The following THSD4 variants were observed in gnomAD, a reference collection of about 807,000 sequenced individuals.
THSD4 encodes thrombospondin type-1 domain-containing protein 4.
In THSD4, 69 loss-of-function variants were observed where a neutral mutation model predicts 119.0. The observed-to-expected ratio is 0.58, with a 90% confidence interval of 0.48 to 0.71. The LOEUF (loss-of-function observed/expected upper bound fraction) is 0.71. Among genes scored for constraint, THSD4 ranks in the 30% least tolerant of loss-of-function variants. The probability of loss-of-function intolerance (pLI) is 0.00; values close to 1 mark genes in which losing one functional copy is unlikely to be tolerated. For missense variants in THSD4, 1,393 were observed against 1,391.1 expected (o/e 1.00, Z -0.02); for synonymous variants, 524 against 540.4 (o/e 0.97, Z 0.42).
At chr15:71,702,780 T>C (rs1046732836) in intron 8 of THSD4, among the ~76,000 whole-genome samples, 1 of 152,202 alleles carries the variant, frequency 6.6e-6, no homozygotes, top group African/African-American at 2.4e-5. Context: ...AGGCACCTCC[T>C]TGGAGAGGCC....
intron 1 of THSD4, among the ~76,000 whole-genome samples, chr15:71,101,348 A>G (rs1025332805): frequency 1.3e-5 from 2 of 152,224 alleles, no homozygotes; most frequent in South Asian, 4.1e-4. Flanking sequence ...TTCTCACCAT[A>G]TAGGTACCTT....
chr15:71,450,167 A>G (rs2047242266), intron 7 of THSD4, among the ~76,000 whole-genome samples: 1 of 152,194 alleles, frequency 6.6e-6, no homozygotes, highest in Non-Finnish European at 1.5e-5. Context: ...TTCTTTCACT[A>G]ACCCGCTGCG....
At chr15:71,503,367 T>A (rs1401358479) in intron 7 of THSD4, among the ~76,000 whole-genome samples, 2 of 152,064 alleles carry the variant, frequency 1.3e-5, no homozygotes, top group Non-Finnish European at 2.9e-5. Context: ...ACAGCAAGGA[T>A]GAAAGGGTTT....
At chr15:71,198,301 A>C (rs937136620) in intron 3 of THSD4, among the ~76,000 whole-genome samples, 1 of 152,344 alleles carries the variant, frequency 6.6e-6, no homozygotes, top group African/African-American at 2.4e-5. Flanking sequence ...GCGGTGGGGA[A>C]AAGAAATCAA....
At chr15:71,237,359 T>C (rs1476554753) in intron 4 of THSD4, among the ~76,000 whole-genome samples, 1 of 152,188 alleles carries the variant, frequency 6.6e-6, no homozygotes, top group Admixed American at 6.5e-5. Flanking sequence ...TCACAGTCTT[T>C]TGTAACAAGT....
chr15:71,777,353 G>A lies in THSD4; in HGVS notation c.3036G>A (p.Thr1012=), dbSNP rs769558478. 7 of 1,613,992 alleles carry A rather than the reference G, an allele frequency of 4.3e-6. No individual in the cohort carries two copies. The highest frequency in any genetic ancestry group is 2.2e-5 in the South Asian group (2 of 91,070). The change falls in exon 18 of 18, where the codon ACG becomes ACA. Residue 1012 remains threonine (T), a synonymous_variant. Coordinates refer to ENST00000261862, the MANE Select transcript of THSD4 (RefSeq NM_024817.3). ...ASCTRVANRQ[T]GFLGSR is the part of the protein sequence containing the mutation. ...GCACCCGTGTGGCCAACAGGCAGAC[G>A]GGCTTCCTGGGGAGCAGATAACACT...
intron 15 of THSD4, among the ~76,000 whole-genome samples, chr15:71,761,005 T>C (rs2053619284): frequency 6.6e-6 from 1 of 152,218 alleles, no homozygotes; most frequent in Non-Finnish European, 1.5e-5. Context: ...TTTGTCTTTA[T>C]TTTTACCCAA....
intron 7 of THSD4, among the ~76,000 whole-genome samples, chr15:71,563,258 A>G (rs144038678): frequency 8.5e-4 from 130 of 152,260 alleles, no homozygotes; most frequent in Middle Eastern, 3.4e-3. Context: ...CATCAGAGGC[A>G]AGAGGCATGG....
At chr15:71,150,201 G>C (rs1401839880) in intron 2 of THSD4, among the ~76,000 whole-genome samples, 1 of 152,184 alleles carries the variant, frequency 6.6e-6, no homozygotes, top group Non-Finnish European at 1.5e-5. Context: ...TAACACACGA[G>C]TTGCACACAC....
intron 7 of THSD4, among the ~76,000 whole-genome samples, chr15:71,618,720 C>G: frequency 6.6e-6 from 1 of 152,004 alleles, no homozygotes; most frequent in East Asian, 1.9e-4. Flanking sequence ...ACCACAGGTG[C>G]GTGTCACCAC....
intron 3 of THSD4, among the ~76,000 whole-genome samples, chr15:71,181,599 A>G (rs1261840900): frequency 1.3e-5 from 2 of 152,204 alleles, no homozygotes; most frequent in African/African-American, 4.8e-5. Flanking sequence ...TAGAAGGAAC[A>G]TCTCTGTCAA....
intron 6 of THSD4, among the ~76,000 whole-genome samples, chr15:71,333,311 T>C (rs778497168): frequency 3.3e-5 from 5 of 151,962 alleles, no homozygotes; most frequent in Non-Finnish European, 7.4e-5. Flanking sequence ...ATGGGGGAAG[T>C]GGGGAGTGGC....
chr15:71,164,710 T>G, intron 3 of THSD4: 1 of 1,540,750 alleles, frequency 6.5e-7, no homozygotes, highest in South Asian at 1.3e-5. Flanking sequence ...AAGGAGTGAG[T>G]TGTGTACAGG....
rs1439316693 is a variant in THSD4 at position 71,149,113 on chromosome 15, A to G, written c.30-5750A>G. ...GAGTGCAGTGGTGCGATCTCAGCTC[A>G]CTGCAAGCTCCGCCTCCTGGGTTCA... On this transcript the variant is annotated intron_variant, in intron 2 of 17. Coordinates refer to ENST00000261862, the MANE Select transcript of THSD4 (RefSeq NM_024817.3). Among the ~76,000 whole-genome samples the G allele has an allele frequency of 2.0e-5, 3 of 149,688 alleles. No individual in the cohort carries two copies. In the East Asian group the frequency reaches 5.9e-4, roughly 30 times the overall value.
chr15:71,581,782 T>C (rs1020684633), intron 7 of THSD4, among the ~76,000 whole-genome samples: 5 of 152,150 alleles, frequency 3.3e-5, no homozygotes, highest in Non-Finnish European at 7.4e-5. Flanking sequence ...TCTTTCTCCA[T>C]TGTGTGTTCT....
intron 3 of THSD4, chr15:71,187,067 A>G (rs917409837): frequency 1.3e-5 from 2 of 152,352 alleles, no homozygotes; most frequent in Non-Finnish European, 2.9e-5. Context: ...TTTTCAGCAG[A>G]GGAAGGCGGG....
chr15:71,477,969 G>C (rs1227498354), intron 7 of THSD4, among the ~76,000 whole-genome samples: 1 of 149,412 alleles, frequency 6.7e-6, no homozygotes, highest in Non-Finnish European at 1.5e-5. Flanking sequence ...CAAGGATGGG[G>C]AGGTGGTGTG....
chr15:71,251,738 T>C (rs919674091), intron 5 of THSD4, among the ~76,000 whole-genome samples: 1 of 152,106 alleles, frequency 6.6e-6, no homozygotes, highest in African/African-American at 2.4e-5. Context: ...CCTGGGGAGA[T>C]GACAGTAATT....
chr15:71,528,367 T>A (rs896716416), intron 7 of THSD4, among the ~76,000 whole-genome samples: 1 of 152,188 alleles, frequency 6.6e-6, no homozygotes, highest in South Asian at 2.1e-4. Context: ...AACTTCTCAT[T>A]CCAGGCAACA....
Sources: allele counts gnomAD v4.1 joint callset (sites outside exome capture counted in the v4.1 genomes callset), GRCh38; gene constraint gnomAD v4.1.1; transcripts MANE v1.5; gene names NCBI Gene and HGNC (gene_info 2026-07-23, HGNC 2026-07-21).